Variants in FRMD3 observed in about 807,000 individuals in gnomAD.
FRMD3 encodes the protein FERM domain-containing protein 3.
Under a neutral mutation model 70.2 loss-of-function variants are expected in FRMD3, and 33 were observed. That is an observed-to-expected ratio of 0.47 (90% CI 0.36 to 0.63). The LOEUF is 0.63. Ranked by LOEUF, FRMD3 falls within the 20% of genes least tolerant of loss-of-function variation. FRMD3 has a pLI of 0.00. For synonymous variants in FRMD3, 279 were observed against 255.9 expected, an observed-to-expected ratio of 1.09 and a Z score of -0.86; for missense variants, 632 against 711.4, an observed-to-expected ratio of 0.89 and a Z score of 1.27.
intron 1 of FRMD3, among the ~76,000 whole-genome samples, chr9:83,449,266 C>T (rs1020145928): frequency 6.6e-6 from 1 of 152,182 alleles, no homozygotes; most frequent in African/African-American, 2.4e-5. Context: ...TTTTGAAAAC[C>T]TAACACAGAA....
intron 1 of FRMD3, among the ~76,000 whole-genome samples, chr9:83,446,401 A>C (rs1049757913): frequency 6.6e-6 from 1 of 151,738 alleles, no homozygotes. Context: ...TAATCCCAGC[A>C]CTTTCGGAGG....
chr9:83,283,543 A>AT (rs1554681478), intron 13 of FRMD3, among the ~76,000 whole-genome samples: 14 of 44,324 alleles, frequency 3.2e-4, no homozygotes, highest in African/African-American at 7.9e-4. Flanking sequence ...AAAAAAAAAA[A>AT]AAAAATAATA....
intron 1 of FRMD3, among the ~76,000 whole-genome samples, chr9:83,507,953 T>C (rs959562272): frequency 2.6e-5 from 4 of 151,930 alleles, no homozygotes; most frequent in African/African-American, 4.8e-5. Context: ...ATATTTTGTA[T>C]GACTGGCAGT....
At chr9:83,571,280 C>T in the FRMD3 span, among the ~76,000 whole-genome samples, 1 of 152,192 alleles carries the variant, frequency 6.6e-6, no homozygotes, top group Admixed American at 6.5e-5. Flanking sequence ...GTAGAAGCAA[C>T]AAGAGGCCTT....
intron 1 of FRMD3, among the ~76,000 whole-genome samples, chr9:83,415,614 CTTTTTTTTTT>C (rs1168650565): frequency 4.6e-5 from 5 of 108,962 alleles, no homozygotes; most frequent in Non-Finnish European, 9.3e-5. Context: ...GACTAATTTT[CTTTTTTTTTT>C]TTTTTTTTTG....
At chr9:83,559,796 C>T in the FRMD3 span, among the ~76,000 whole-genome samples, 1 of 151,884 alleles carries the variant, frequency 6.6e-6, no homozygotes, top group African/African-American at 2.4e-5. Flanking sequence ...ATAAATTATA[C>T]CTCAATAAAA....
intron 13 of FRMD3, among the ~76,000 whole-genome samples, chr9:83,285,458 CTTTCAT>C (rs1834168453): frequency 6.6e-6 from 1 of 152,156 alleles, no homozygotes; most frequent in Non-Finnish European, 1.5e-5. Context: ...CTCCATTGTG[CTTTCAT>C]TTTACCAGTA....
At position 83,446,463 on chromosome 9, in the gene FRMD3, C is replaced by T. The variant is rs140629620; in HGVS notation, c.148-56755G>A. ...GAAATCAAGACCATCCTGGCTAACA[C>T]GGTGAAACCCCGTCTCTACTAAAAA... On this transcript the variant is annotated intron_variant, in intron 1 of 13. Coordinates refer to ENST00000304195, the MANE Select transcript of FRMD3 (RefSeq NM_174938.6). Among the ~76,000 whole-genome samples, 734 of 151,620 alleles carry T rather than the reference C, an allele frequency of 4.8e-3. 10 individuals carry two copies. The highest frequency in any genetic ancestry group is 0.015 in the African/African-American group (613 of 41,344).
At chr9:83,261,173 C>G (rs1287513706) in intron 13 of FRMD3, among the ~76,000 whole-genome samples, 1 of 150,858 alleles carries the variant, frequency 6.6e-6, no homozygotes, top group Non-Finnish European at 1.5e-5. Flanking sequence ...TCGCTGCTCC[C>G]CAGCTGAAAT....
At position 83,331,826 on chromosome 9, in the gene FRMD3, TGCCCACTGTTTCCA is replaced by T. The variant is rs773815645; in HGVS notation, c.596+3676_596+3689del. The T allele has an allele frequency of 9.3e-5, 67 of 717,444 alleles. 2 individuals are homozygous for T. The East Asian group carries it at 1.6e-3, about 17-fold the overall frequency. 44.4% of individuals were successfully genotyped at this position (717,444 alleles called of 1,614,324 possible). ...GTTGTGAGGGCCATTAAGGGCTGGG[TGCCCACTGTTTCCA>T]GCTCCTATTACCTTCTGAACACCAT... On this transcript the variant is annotated intron_variant, in intron 6 of 13. Transcript: ENST00000304195.
chr9:83,492,839 T>C (rs924148763), intron 1 of FRMD3, among the ~76,000 whole-genome samples: 7 of 152,176 alleles, frequency 4.6e-5, no homozygotes, highest in Admixed American at 1.3e-4. Context: ...AGAGTCACTG[T>C]ATGGGTTGAT....
chr9:83,298,664 G>A, intron 12 of FRMD3, 84 bp downstream of exon 12: 1 of 1,010,346 alleles, frequency 9.9e-7, no homozygotes, highest in East Asian at 2.4e-5. Flanking sequence ...AATGCTGTAT[G>A]TCACTACACA....
intron 1 of FRMD3, among the ~76,000 whole-genome samples, chr9:83,420,965 G>C (rs1826620226): frequency 7.7e-6 from 1 of 129,826 alleles, no homozygotes; most frequent in Non-Finnish European, 1.6e-5. Context: ...TTTTGAGACG[G>C]AGTCTCGCTC....
intron 1 of FRMD3, among the ~76,000 whole-genome samples, chr9:83,444,233 T>A (rs1827391390): frequency 6.6e-6 from 1 of 152,210 alleles, no homozygotes; most frequent in East Asian, 1.9e-4. Context: ...GGGCTAGACC[T>A]GGGCTCAGAG....
intron 1 of FRMD3, among the ~76,000 whole-genome samples, chr9:83,512,281 T>G (rs952172683): frequency 2.0e-5 from 3 of 152,228 alleles, no homozygotes; most frequent in African/African-American, 2.4e-5. Context: ...TTCCAGGCAC[T>G]GGGGATATTC....
intron 3 of FRMD3, among the ~76,000 whole-genome samples, chr9:83,355,150 C>T (rs190128444): frequency 6.6e-6 from 1 of 152,176 alleles, no homozygotes; most frequent in Non-Finnish European, 1.5e-5. Flanking sequence ...AACCCCTTCT[C>T]CAAGCTGCTA....
chr9:83,403,521 TA>T (rs1826013493), intron 1 of FRMD3, among the ~76,000 whole-genome samples: 1 of 152,094 alleles, frequency 6.6e-6, no homozygotes, highest in Admixed American at 6.6e-5. Context: ...GCTGGGAGTA[TA>T]ACAGGCTGAG....
At position 83,511,649 on chromosome 9, in the gene FRMD3, T is replaced by G. The variant is rs142286959; in HGVS notation, c.147+26436A>C. ...CATTCATTAACAGAAAATAAATAAA[T>G]AAAGAAGTAGCTGCTGTACCTCTTG... On this transcript the variant is annotated intron_variant, in intron 1 of 13. Transcript: ENST00000304195. 8.2e-4 allele frequency among the ~76,000 whole-genome samples: 124 copies of G among 152,022 alleles called. 1 individual carries two copies. In the East Asian group the frequency reaches 0.022, roughly 27 times the overall value.
At position 83,389,652 on chromosome 9, in the gene FRMD3, C is replaced by T; in HGVS notation, c.204G>A (p.Leu68=). 1 of 1,614,054 alleles carries T rather than the reference C, an allele frequency of 6.2e-7. No homozygotes were observed. The highest frequency in any genetic ancestry group is 8.5e-7 in the Non-Finnish European group (1 of 1,179,948). Residue 68 remains leucine, a synonymous_variant, in exon 2 of 14, where the codon CTG becomes CTA. Transcript: ENST00000304195. ...IDHICNYYSL[L]EKDYFGIRYV... is the part of the protein sequence containing the mutation. The stretch of plus-strand genomic sequence containing the variant: ...AGCGAATGCCAAAGTAGTCCTTCTC[C>T]AGCAGGCTGTAGTAGTTGCAGATGT...
Sources: allele counts gnomAD v4.1 joint callset (sites outside exome capture counted in the v4.1 genomes callset), GRCh38; gene constraint gnomAD v4.1.1; transcripts MANE v1.5; gene names NCBI Gene and HGNC (gene_info 2026-07-23, HGNC 2026-07-21).